LRRTM4: variants seen among roughly 807,000 people sequenced by gnomAD.
LRRTM4 encodes the protein leucine-rich repeat transmembrane neuronal protein 4.
Under a neutral mutation model 47.6 loss-of-function variants are expected in LRRTM4, and 25 were observed. The ratio of observed to expected loss-of-function variants is 0.53; its 90% CI spans 0.38 to 0.73. The LOEUF (loss-of-function observed/expected upper bound fraction) is 0.73, where lower values mean the gene tolerates loss of function less well. Among genes scored for constraint, LRRTM4 ranks in the 30% least tolerant of loss-of-function variants. LRRTM4 has a pLI of 0.00. For synonymous variants in LRRTM4, 311 were observed against 269.5 expected, an observed-to-expected ratio of 1.15 and a Z score of -1.51; for missense variants, 638 against 713.4, an observed-to-expected ratio of 0.89 and a Z score of 1.20.
chr2:77,041,088 C>G (rs951219427), intron 3 of LRRTM4, among the ~76,000 whole-genome samples: 8 of 151,524 alleles, frequency 5.3e-5, no homozygotes, highest in Non-Finnish European at 8.9e-5. Flanking sequence ...CCTCCTTATA[C>G]TTTCCAGCTT....
chr2:76,999,753 T>A (rs113005126), intron 3 of LRRTM4, among the ~76,000 whole-genome samples: 1 of 152,102 alleles, frequency 6.6e-6, no homozygotes, highest in Admixed American at 6.6e-5. Context: ...CGGCACACAG[T>A]TTAGAATTTC....
At chr2:77,073,478 T>C (rs985049722) in intron 3 of LRRTM4, among the ~76,000 whole-genome samples, 1 of 151,904 alleles carries the variant, frequency 6.6e-6, no homozygotes, top group East Asian at 1.9e-4. Context: ...CCATTATTTG[T>C]TTTTTCTATG....
intron 3 of LRRTM4, among the ~76,000 whole-genome samples, chr2:77,376,518 G>A (rs1672847861): frequency 1.3e-5 from 2 of 149,986 alleles, no homozygotes; most frequent in South Asian, 4.2e-4. Context: ...ATCTGTGACA[G>A]TTCCTCAGAC....
At chr2:76,750,345 G>C (rs2104049473) in intron 3 of LRRTM4, among the ~76,000 whole-genome samples, 1 of 152,298 alleles carries the variant, frequency 6.6e-6, no homozygotes, top group African/African-American at 2.4e-5. Flanking sequence ...AAGTCTTAAT[G>C]ATCTTCCTTT....
intron 3 of LRRTM4, among the ~76,000 whole-genome samples, chr2:77,236,448 A>G (rs1675105156): frequency 6.6e-6 from 1 of 151,534 alleles, no homozygotes; most frequent in Admixed American, 6.6e-5. Flanking sequence ...GTACAGAATC[A>G]TATTTTTTTT....
At chr2:77,462,964 A>G (rs1384043092) in intron 3 of LRRTM4, among the ~76,000 whole-genome samples, 1 of 152,060 alleles carries the variant, frequency 6.6e-6, no homozygotes, top group Non-Finnish European at 1.5e-5. Context: ...CTAAAGAGCC[A>G]GGGAGAATTA....
chr2:77,319,907 C>T (rs991796345), intron 3 of LRRTM4, among the ~76,000 whole-genome samples: 3 of 152,178 alleles, frequency 2.0e-5, no homozygotes, highest in Non-Finnish European at 2.9e-5. Context: ...GATAATTTTT[C>T]TGAGAACCAT....
chr2:77,096,114 AATC>A (rs950200859), intron 3 of LRRTM4, among the ~76,000 whole-genome samples: 66 of 152,166 alleles, frequency 4.3e-4, no homozygotes, highest in Admixed American at 2.7e-3. Flanking sequence ...GCATAGATCA[AATC>A]ATCATATTAT....
At chr2:77,115,727 TGA>T (rs1365523347) in intron 3 of LRRTM4, among the ~76,000 whole-genome samples, 11 of 152,206 alleles carry the variant, frequency 7.2e-5, no homozygotes, top group African/African-American at 2.7e-4. Flanking sequence ...GACAATTATG[TGA>T]GAAATTCTTC....
At chr2:77,448,119 TC>T (rs1177797664) in intron 3 of LRRTM4, among the ~76,000 whole-genome samples, 1 of 152,152 alleles carries the variant, frequency 6.6e-6, no homozygotes, top group Non-Finnish European at 1.5e-5. Context: ...TCTTATCCAC[TC>T]TCGAGGGGCT....
In LRRTM4 at chr2:77,447,681, T is replaced by G. The variant is rs553653375; in HGVS notation, c.1551+70637A>C. On this transcript the variant is annotated intron_variant, in intron 3 of 3. Coordinates refer to ENST00000409884, the MANE Select transcript of LRRTM4 (RefSeq NM_001134745.3). Reference sequence around the variant, plus strand: ...AACTGTTAGACTTTTTTTTGATGTTTGTCTTTTAATATGTCATTGACAAAG... The same window carrying G: ...AACTGTTAGACTTTTTTTTGATGTTGGTCTTTTAATATGTCATTGACAAAG... Among the ~76,000 whole-genome samples the G allele has an allele frequency of 2.0e-5, 3 of 152,314 alleles. No homozygotes were observed. In the East Asian group the frequency reaches 5.8e-4, roughly 29 times the overall value.
intron 3 of LRRTM4, among the ~76,000 whole-genome samples, chr2:76,791,998 A>C (rs1347441477): frequency 1.3e-5 from 2 of 152,162 alleles, no homozygotes; most frequent in Admixed American, 1.3e-4. Context: ...ATTACTTTCC[A>C]GTTTTCTCCA....
At chr2:77,424,413 A>G (rs1010187733) in intron 3 of LRRTM4, among the ~76,000 whole-genome samples, 1 of 145,260 alleles carries the variant, frequency 6.9e-6, no homozygotes, top group Non-Finnish European at 1.5e-5. Flanking sequence ...AGTTTTTCAT[A>G]ATATACTCCA....
At chr2:76,791,449 G>C (rs1404198298) in intron 3 of LRRTM4, among the ~76,000 whole-genome samples, 2 of 152,020 alleles carry the variant, frequency 1.3e-5, no homozygotes, top group East Asian at 3.9e-4. Flanking sequence ...AGAATTTAGA[G>C]GAAAAAATCC....
intron 3 of LRRTM4, among the ~76,000 whole-genome samples, chr2:76,769,223 A>G (rs1673582949): frequency 6.6e-6 from 1 of 152,174 alleles, no homozygotes; most frequent in Non-Finnish European, 1.5e-5. Context: ...ACCACTATTT[A>G]AGGAACTCCT....
chr2:77,484,122 G>A (rs1677821938), intron 3 of LRRTM4, among the ~76,000 whole-genome samples: 1 of 152,152 alleles, frequency 6.6e-6, no homozygotes, highest in Non-Finnish European at 1.5e-5. Context: ...AGGGTGTCTA[G>A]ACACACACAA....
chr2:76,959,809 A>ACTCT, intron 3 of LRRTM4, among the ~76,000 whole-genome samples: 3 of 151,658 alleles, frequency 2.0e-5, no homozygotes, highest in Admixed American at 2.0e-4. Flanking sequence ...TCAGCAGAGA[A>ACTCT]GACTATTGTG....
At chr2:77,191,872 G>A (rs932226476) in intron 3 of LRRTM4, among the ~76,000 whole-genome samples, 1 of 151,878 alleles carries the variant, frequency 6.6e-6, no homozygotes, top group Non-Finnish European at 1.5e-5. Context: ...TCTGCCACCT[G>A]GAACTATAAT....
chr2:77,492,113 AAAGT>A (rs1336224237), intron 3 of LRRTM4, among the ~76,000 whole-genome samples: 3 of 152,184 alleles, frequency 2.0e-5, no homozygotes, highest in African/African-American at 7.2e-5. Flanking sequence ...AAATCAAAAG[AAAGT>A]GACCCACATT....
Sources: allele counts gnomAD v4.1 joint callset (sites outside exome capture counted in the v4.1 genomes callset), GRCh38; gene constraint gnomAD v4.1.1; transcripts MANE v1.5; gene names NCBI Gene and HGNC (gene_info 2026-07-23, HGNC 2026-07-21).